The following PRSS58 variants were observed in gnomAD, a reference collection of about 807,000 sequenced individuals.
PRSS58 encodes protease, serine 58.
Under a neutral mutation model 25.0 loss-of-function variants are expected in PRSS58, and 31 were observed. The ratio of observed to expected loss-of-function variants is 1.24; its 90% confidence interval spans 0.93 to 1.67. PRSS58 has a LOEUF of 1.67. PRSS58 is among the 40% of genes most tolerant of loss of function. The pLI, the probability that PRSS58 is intolerant of heterozygous loss-of-function variation, is 0.00. For missense variants in PRSS58, 324 were observed against 287.9 expected, an observed-to-expected ratio of 1.13 and a Z score of -0.91; for synonymous variants, 119 against 106.1, an observed-to-expected ratio of 1.12 and a Z score of -0.75.
In PRSS58 at chr7:142,255,301, C is replaced by T. The variant is rs1370923240; in HGVS notation, c.190G>A (p.Val64Met). 1.2e-6 allele frequency: 2 copies of T among 1,613,668 alleles called. No homozygotes were observed. Among genetic ancestry groups the T allele is most frequent in the Admixed American group, 3.3e-5 (2 of 60,002 alleles). Residue 64 changes from valine to methionine, a missense_variant, in exon 4 of 6, where the codon GTG becomes ATG. Val to Met is a conservative substitution (Grantham distance 21, BLOSUM62 1). Coordinates refer to ENST00000547058, the MANE Select transcript of PRSS58 (RefSeq NM_001001317.5). ...AAHCNLPKLR[V>M]ILGVTIPADS... Reference sequence around the variant, plus strand: ...GCTGGGATTGTAACCCCCAATATCACCCGAAGCTTTCTGGAACAATATAGA... The same window carrying T: ...GCTGGGATTGTAACCCCCAATATCATCCGAAGCTTTCTGGAACAATATAGA...
intron 2 of PRSS58, among the ~76,000 whole-genome samples, chr7:142,256,290 A>G (rs962267655): frequency 8.5e-5 from 13 of 152,248 alleles, no homozygotes; most frequent in African/African-American, 2.9e-4. Context: ...AACACAACAC[A>G]CAAATAAACT....
intron 2 of PRSS58, among the ~76,000 whole-genome samples, chr7:142,256,868 G>A (rs1225920841): frequency 1.3e-5 from 2 of 152,192 alleles, no homozygotes; most frequent in Non-Finnish European, 2.9e-5. Flanking sequence ...AGGGACTCCA[G>A]GCAGAGGCAA....
chr7:142,252,672 T>TA (rs1342421076), intron 4 of PRSS58, 61 bp from the exon 5 acceptor site: 1 of 1,525,518 alleles, frequency 6.6e-7, no homozygotes, highest in East Asian at 2.2e-5. Flanking sequence ...AAACTTCTTT[T>TA]AAAAAACTTT....
rs1156554100 is a variant in PRSS58 at position 142,252,456 on chromosome 7, A to G, written c.576+16T>C. 1 of 1,612,528 alleles carries G rather than the reference A, an allele frequency of 6.2e-7. No individual in the cohort carries two copies. Among genetic ancestry groups the G allele is most frequent in the Non-Finnish European group, 8.5e-7 (1 of 1,179,538 alleles). ...AGGAAGAAAATGGGAAAATTAATGGATGAAGAGTATTTTACCTTGCAGGGC... is the reference window on the plus strand; with the variant it reads ...AGGAAGAAAATGGGAAAATTAATGGGTGAAGAGTATTTTACCTTGCAGGGC... On this transcript the variant is annotated intron_variant, in intron 5 of 5. Coordinates refer to ENST00000547058, the MANE Select transcript of PRSS58 (RefSeq NM_001001317.5).
At chr7:142,254,692 T>C (rs1360430244) in intron 4 of PRSS58, among the ~76,000 whole-genome samples, 1 of 152,192 alleles carries the variant, frequency 6.6e-6, no homozygotes, top group Non-Finnish European at 1.5e-5. Context: ...CAAGTTGCTT[T>C]ATTGCCTGAA....
chr7:142,252,566 G>GAGAT lies in PRSS58; in HGVS notation c.478_481dup (p.Ser161TyrfsTer11). On this transcript the variant is annotated frameshift_variant, in exon 5 of 6. Coordinates refer to ENST00000547058, the MANE Select transcript of PRSS58 (RefSeq NM_001001317.5). LOFTEE classifies it high-confidence loss of function. Reference sequence around the variant, plus strand: ...ATAGGCATCGCGACACTGAGGCTTGGAGATTACAGAGATGTTCACAGTTTG... The same window carrying GAGAT: ...ATAGGCATCGCGACACTGAGGCTTGGAGATAGATTACAGAGATGTTCACAGTTTG... The GAGAT allele has an allele frequency of 6.2e-7, 1 of 1,614,052 alleles. No individual in the cohort carries two copies. Among genetic ancestry groups the GAGAT allele is most frequent in the Non-Finnish European group, 8.5e-7 (1 of 1,179,996 alleles).
chr7:142,254,483 T>G (rs1798520864), intron 4 of PRSS58, among the ~76,000 whole-genome samples: 1 of 152,196 alleles, frequency 6.6e-6, no homozygotes, highest in African/African-American at 2.4e-5. Flanking sequence ...GGTAGCCCTT[T>G]GTCAGTTTTC....
Position 142,252,502 on chromosome 7 carries a change from G to A in PRSS58, c.546C>T (p.Gly182=). The stretch of plus-strand genomic sequence containing the variant: ...AGGGCTGCCTCCTTCCTGGCACAAT[G>A]CCCACACACAGCATATTTTCCGTGA... The part of the protein sequence containing the change: ...YNITENMLCV[G]IVPGRRQPCK... Residue 182 remains glycine, a synonymous_variant, in exon 5 of 6, where the codon GGC becomes GGT. Coordinates refer to ENST00000547058, the MANE Select transcript of PRSS58 (RefSeq NM_001001317.5). The A allele has an allele frequency of 6.2e-7, 1 of 1,614,122 alleles. No homozygotes were observed. The highest frequency in any genetic ancestry group is 8.5e-7 in the Non-Finnish European group (1 of 1,180,026).
At chr7:142,256,169 G>A (rs1034787338) in intron 2 of PRSS58, among the ~76,000 whole-genome samples, 1 of 152,162 alleles carries the variant, frequency 6.6e-6, no homozygotes, top group Non-Finnish European at 1.5e-5. Context: ...AATATACATT[G>A]AGCACCTAGT....
At chr7:142,255,451 G>A (rs556691312) in intron 3 of PRSS58, 84 bp downstream of exon 3, 105 of 1,598,916 alleles carry the variant, frequency 6.6e-5, no homozygotes, top group South Asian at 2.4e-4. Flanking sequence ...CATTTAATTG[G>A]GAGATGGTCT....
At chr7:142,253,744 CTTACTTAACTACTTGAT>C (rs1361404074) in intron 4 of PRSS58, among the ~76,000 whole-genome samples, 2 of 152,050 alleles carry the variant, frequency 1.3e-5, no homozygotes, top group Non-Finnish European at 2.9e-5. Context: ...GTAGGAAATG[CTTACTTAACTACTTGAT>C]GACCCAGATC....
chr7:142,255,288 AC>A lies in PRSS58; in HGVS notation c.202del (p.Val68LeufsTer14), dbSNP rs745707162. On this transcript the variant is annotated frameshift_variant, in exon 4 of 6. Transcript: ENST00000547058. LOFTEE classifies it high-confidence loss of function. ...NLPKLRVILG[V>X]TIPADSNEKH... Reference sequence around the variant, plus strand: ...TTCATTAGAGTCTGCTGGGATTGTAACCCCCAATATCACCCGAAGCTTTCTG... The same window carrying A: ...TTCATTAGAGTCTGCTGGGATTGTAACCCCAATATCACCCGAAGCTTTCTG... 7 of 1,613,812 alleles carry A rather than the reference AC, an allele frequency of 4.3e-6. No individual in the cohort carries two copies. The highest frequency in any genetic ancestry group is 5.9e-6 in the Non-Finnish European group (7 of 1,179,882).
In PRSS58 at chr7:142,255,156, T is replaced by C. The variant is rs762537687; in HGVS notation, c.335A>G (p.Glu112Gly). ...IMLIKLKTEA[E>G]LNDYVKLANL... ...GGCTAATTTCACATAGTCATTGAGT[T>C]CAGCCTCTGTTTTCAGCTTGATTAG... Residue 112 changes from glutamate (E) to glycine (G), a missense_variant, in exon 4 of 6, where the codon GAA becomes GGA. By Grantham distance (98) the Glu-to-Gly change is moderately conservative (BLOSUM62 -2). Coordinates refer to ENST00000547058, the MANE Select transcript of PRSS58 (RefSeq NM_001001317.5). 1.2e-6 allele frequency: 2 copies of C among 1,614,042 alleles called. No homozygotes were observed. Among genetic ancestry groups the C allele is most frequent in the Non-Finnish European group, 1.7e-6 (2 of 1,180,014 alleles).
chr7:142,257,786 G>A (rs1164547959), intron 1 of PRSS58, 38 bp from the exon 2 acceptor site: 5 of 1,171,582 alleles, frequency 4.3e-6, no homozygotes, highest in African/African-American at 1.5e-5. Flanking sequence ...ATAAAACAAA[G>A]CAAGATTGTA....
In PRSS58 at chr7:142,252,580, G is replaced by A. The variant is rs142940874; in HGVS notation, c.468C>T (p.Asn156=). The change falls in exon 5 of 6, where the codon AAC becomes AAT. Residue 156 remains asparagine (N), a synonymous_variant. Coordinates refer to ENST00000547058, the MANE Select transcript of PRSS58 (RefSeq NM_001001317.5). Reference sequence around the variant, plus strand: ...ACTGAGGCTTGGAGATTACAGAGATGTTCACAGTTTGCAGTGAATCGGGCT... The same window carrying A: ...ACTGAGGCTTGGAGATTACAGAGATATTCACAGTTTGCAGTGAATCGGGCT... ...YKEPDSLQTV[N]ISVISKPQCR... 1.1e-3 allele frequency: 1,744 copies of A among 1,613,812 alleles called. 12 individuals carry two copies. The African/African-American group carries it at 0.02, about 19-fold the overall frequency.
intron 4 of PRSS58, among the ~76,000 whole-genome samples, chr7:142,253,873 T>C (rs1547391): frequency 0.18 from 27,680 of 152,014 alleles, 3,381 homozygotes; most frequent in African/African-American, 0.34. Context: ...TTTGGCTCTT[T>C]CCAAAAATCA....
Position 142,255,693 on chromosome 7 carries a change from C to A in PRSS58, c.41-20G>T. 1.9e-6 allele frequency: 3 copies of A among 1,567,154 alleles called. No individual in the cohort carries two copies. Among genetic ancestry groups the A allele is most frequent in the Non-Finnish European group, 2.6e-6 (3 of 1,155,784 alleles). ...AAGCAACTGGAAAGAGAAGCATAGACAAGAAATTCCAAGATTTCTCAGTCA... is the reference window on the plus strand; with the variant it reads ...AAGCAACTGGAAAGAGAAGCATAGAAAAGAAATTCCAAGATTTCTCAGTCA... On this transcript the variant is annotated intron_variant, in intron 2 of 5. Coordinates refer to ENST00000547058, the MANE Select transcript of PRSS58 (RefSeq NM_001001317.5).
In PRSS58 at chr7:142,257,980, GA is replaced by G. The variant is rs1798586044; in HGVS notation, c.-42+10del. ...CAGAGTTCTGCCCTCTGTCTTCAGG[GA>G]AGAAAGTACCAAAGCTAAGTTGAAG... On this transcript the variant is annotated intron_variant, in intron 1 of 5. Transcript: ENST00000547058. 2.3e-6 allele frequency: 1 copy of G among 436,604 alleles called. No individual in the cohort carries two copies. The highest frequency in any genetic ancestry group is 4.0e-6 in the Non-Finnish European group (1 of 247,594). The allele number at this position is 436,604 out of a possible 1,614,324, so 27.0% of individuals were successfully genotyped here. A position where few individuals can be genotyped will look rare whatever the true frequency, so the allele number is the denominator to read the frequency against.
At chr7:142,254,724 G>C (rs4726508) in intron 4 of PRSS58, among the ~76,000 whole-genome samples, 1 of 152,098 alleles carries the variant, frequency 6.6e-6, no homozygotes, top group East Asian at 1.9e-4. Context: ...ATATACAACA[G>C]AGTAATCTGC....
Sources: gnomAD v4.1 joint callset for allele counts (sites outside exome capture counted in the v4.1 genomes callset) on GRCh38, gnomAD v4.1.1 for gene constraint, MANE v1.5 for transcripts, NCBI Gene and HGNC (gene_info 2026-07-23, HGNC 2026-07-21) for gene names.